The following CNTN5 variants were observed in gnomAD, a reference collection of about 807,000 sequenced individuals.
The protein encoded by CNTN5 is contactin-5.
In CNTN5, 77 loss-of-function variants were observed where a neutral mutation model predicts 129.1. The ratio of observed to expected loss-of-function variants is 0.60; its 90% CI spans 0.50 to 0.72. The LOEUF (loss-of-function observed/expected upper bound fraction) is 0.72. Among genes scored for constraint, CNTN5 ranks in the 30% least tolerant of loss-of-function variants. The pLI, the probability that CNTN5 is intolerant of heterozygous loss-of-function variation, is 0.00. For missense variants in CNTN5, 1,478 were observed against 1,328.8 expected (o/e 1.11, Z -1.75); for synonymous variants, 509 against 465.6 (o/e 1.09, Z -1.20).
intron 23 of CNTN5, among the ~76,000 whole-genome samples, chr11:100,347,819 G>A (rs1952318575): frequency 6.6e-6 from 1 of 152,016 alleles, no homozygotes. Context: ...TTCTTCCGAA[G>A]ATGCTCAGCA....
chr11:100,095,315 G>A (rs1361853128), intron 13 of CNTN5, among the ~76,000 whole-genome samples: 3 of 152,046 alleles, frequency 2.0e-5, no homozygotes, highest in Non-Finnish European at 4.4e-5. Flanking sequence ...AAAAATTACT[G>A]TTTTTGAGGG....
chr11:99,641,498 C>T (rs958000842), intron 3 of CNTN5, among the ~76,000 whole-genome samples: 10 of 152,172 alleles, frequency 6.6e-5, no homozygotes, highest in East Asian at 3.9e-4. Context: ...AAGGAGGAGA[C>T]GTAGGAGGGC....
intron 2 of CNTN5, among the ~76,000 whole-genome samples, chr11:99,507,416 A>G: frequency 6.6e-6 from 1 of 151,180 alleles, no homozygotes; most frequent in African/African-American, 2.4e-5. Flanking sequence ...TCAAAACAAT[A>G]GTCATCCCAT....
chr11:99,391,293 A>G (rs540856146), intron 2 of CNTN5, among the ~76,000 whole-genome samples: 2 of 152,312 alleles, frequency 1.3e-5, no homozygotes, highest in East Asian at 3.9e-4. Flanking sequence ...TCTTTTAATT[A>G]TAACTCTGAA....
At chr11:100,255,349 TGTA>T (rs1428027254) in intron 16 of CNTN5, among the ~76,000 whole-genome samples, 1 of 149,710 alleles carries the variant, frequency 6.7e-6, no homozygotes, top group African/African-American at 2.5e-5. Flanking sequence ...TCTAGCCACT[TGTA>T]GTATTTTAGT....
chr11:100,175,854 C>A (rs1947948039), intron 13 of CNTN5, among the ~76,000 whole-genome samples: 1 of 152,020 alleles, frequency 6.6e-6, no homozygotes, highest in Non-Finnish European at 1.5e-5. Context: ...TTATTATTAG[C>A]AGAAACATTT....
intron 8 of CNTN5, among the ~76,000 whole-genome samples, chr11:99,960,644 T>A (rs1285441801): frequency 6.6e-6 from 1 of 152,178 alleles, no homozygotes; most frequent in East Asian, 1.9e-4. Flanking sequence ...ATAGTTTGGA[T>A]GTAGTGTTTC....
intron 9 of CNTN5, among the ~76,000 whole-genome samples, chr11:100,017,353 G>A (rs1266077556): frequency 6.6e-6 from 1 of 151,926 alleles, no homozygotes; most frequent in Non-Finnish European, 1.5e-5. Context: ...TAGACCCAAT[G>A]CATACTTTTT....
intron 13 of CNTN5, among the ~76,000 whole-genome samples, chr11:100,147,227 G>A (rs114905707): frequency 3.3e-4 from 50 of 152,206 alleles, no homozygotes; most frequent in African/African-American, 1.1e-3. Flanking sequence ...TCCCATCTCT[G>A]TGCAGCTGGC....
intron 1 of CNTN5, among the ~76,000 whole-genome samples, chr11:99,083,685 G>A (rs1865893557): frequency 6.6e-6 from 1 of 152,162 alleles, no homozygotes; most frequent in Non-Finnish European, 1.5e-5. Flanking sequence ...AGGGAAAGTT[G>A]TAATTTCAAA....
chr11:100,292,626 AAT>A (rs1261827977), intron 18 of CNTN5, among the ~76,000 whole-genome samples: 1 of 151,954 alleles, frequency 6.6e-6, no homozygotes, highest in African/African-American at 2.4e-5. Flanking sequence ...TTGATGAAGA[AAT>A]AATATCCCCA....
At chr11:99,701,411 G>T (rs975221738) in intron 3 of CNTN5, among the ~76,000 whole-genome samples, 4 of 151,118 alleles carry the variant, frequency 2.6e-5, no homozygotes, top group Non-Finnish European at 5.9e-5. Flanking sequence ...ATACAAGCTG[G>T]TCTTGTAGAA....
At chr11:99,856,005 C>G (rs184242959) in intron 6 of CNTN5, among the ~76,000 whole-genome samples, 50 of 152,184 alleles carry the variant, frequency 3.3e-4, no homozygotes, top group Non-Finnish European at 6.5e-4. Context: ...GATGGTTAGG[C>G]TAAACTGATA....
chr11:99,482,971 C>T (rs948954833), intron 2 of CNTN5, among the ~76,000 whole-genome samples: 2 of 151,752 alleles, frequency 1.3e-5, no homozygotes, highest in Admixed American at 6.6e-5. Context: ...ATCAAGAGAC[C>T]GAGGCCATCT....
At chr11:99,253,706 A>G (rs916789866) in intron 1 of CNTN5, among the ~76,000 whole-genome samples, 3 of 151,646 alleles carry the variant, frequency 2.0e-5, no homozygotes, top group Non-Finnish European at 4.4e-5. Context: ...TCGTTGCTGT[A>G]TAATTTTTAT....
At chr11:99,780,062 T>C (rs1945259254) in intron 3 of CNTN5, among the ~76,000 whole-genome samples, 1 of 151,970 alleles carries the variant, frequency 6.6e-6, no homozygotes, top group African/African-American at 2.4e-5. Context: ...ACATGGATAT[T>C]ATATAGAGAC....
At chr11:100,264,496 C>T (rs1565382368) in intron 17 of CNTN5, among the ~76,000 whole-genome samples, 1 of 152,078 alleles carries the variant, frequency 6.6e-6, no homozygotes, top group Non-Finnish European at 1.5e-5. Flanking sequence ...GTTTTCTGTT[C>T]CTGTGTTAGT....
chr11:99,597,334 T>C (rs1950157104), intron 3 of CNTN5, among the ~76,000 whole-genome samples: 2 of 152,210 alleles, frequency 1.3e-5, no homozygotes, highest in African/African-American at 4.8e-5. Flanking sequence ...TCCACCTTTG[T>C]ATGCTTTCAA....
chr11:100,033,674 C>G (rs1465410496), intron 9 of CNTN5, among the ~76,000 whole-genome samples: 1 of 152,186 alleles, frequency 6.6e-6, no homozygotes, highest in Non-Finnish European at 1.5e-5. Context: ...TGCCTCTACT[C>G]AAGGTGCTTA....
Sources: allele counts gnomAD v4.1 joint callset (sites outside exome capture counted in the v4.1 genomes callset), GRCh38; gene constraint gnomAD v4.1.1; transcripts MANE v1.5; gene names NCBI Gene and HGNC (gene_info 2026-07-23, HGNC 2026-07-21).